KIRREL3: variants seen among roughly 807,000 people sequenced by gnomAD.
KIRREL3 encodes the protein kin of IRRE-like protein 3.
KIRREL3 carries 36 observed loss-of-function variants against 89.7 expected under a neutral mutation model. The ratio of observed to expected loss-of-function variants is 0.40; its 90% confidence interval spans 0.31 to 0.53. The LOEUF is 0.53. Among genes scored for constraint, KIRREL3 ranks in the 20% least tolerant of loss-of-function variants. The pLI, the probability that KIRREL3 is intolerant of heterozygous loss-of-function variation, is 0.49. For synonymous variants in KIRREL3, 445 were observed against 441.4 expected (o/e 1.01, Z -0.10); for missense variants, 864 against 1,056.6 (o/e 0.82, Z 2.53).
chr11:126,927,766 C>T (rs914331196), intron 1 of KIRREL3, among the ~76,000 whole-genome samples: 1 of 152,200 alleles, frequency 6.6e-6, no homozygotes, highest in Admixed American at 6.5e-5. Context: ...CCGGGGCTTT[C>T]CCACATTCTC....
At chr11:126,998,232 A>G (rs572269050) in intron 1 of KIRREL3, among the ~76,000 whole-genome samples, 63 of 152,382 alleles carry the variant, frequency 4.1e-4, no homozygotes, top group African/African-American at 1.4e-3. Flanking sequence ...ATCCACATAA[A>G]CAAATTTCCA....
chr11:126,489,044 G>A lies in KIRREL3; in HGVS notation c.434-15578C>T, dbSNP rs1368704193. ...CACGATGTTCAGTGTTTGCTCAAAT[G>A]TGCCCTCTGACCTCCACTAGACTGC... On this transcript the variant is annotated intron_variant, in intron 4 of 16. Transcript: ENST00000525144. The surrounding 1 kb of genome is among the most constrained non-coding windows in gnomAD (Gnocchi z 5.5). 2.0e-5 allele frequency among the ~76,000 whole-genome samples: 3 copies of A among 152,160 alleles called. No homozygotes were observed. The highest frequency in any genetic ancestry group is 2.0e-4 in the Admixed American group (3 of 15,276).
chr11:126,853,031 A>G (rs1397268879), intron 1 of KIRREL3, among the ~76,000 whole-genome samples: 1 of 152,148 alleles, frequency 6.6e-6, no homozygotes, highest in African/African-American at 2.4e-5. Context: ...CAGGAACTTC[A>G]TGTAACTTAA....
chr11:126,483,544 G>A (rs1414519497), intron 4 of KIRREL3, among the ~76,000 whole-genome samples: 1 of 152,220 alleles, frequency 6.6e-6, no homozygotes, highest in African/African-American at 2.4e-5. Context: ...ACTTCCCTCC[G>A]ATCCATTCTC....
intron 1 of KIRREL3, among the ~76,000 whole-genome samples, chr11:126,963,690 CA>C (rs1263256185): frequency 1.3e-5 from 2 of 152,162 alleles, no homozygotes; most frequent in African/African-American, 4.8e-5. Context: ...CCTTATACCC[CA>C]AAAGGCCTCC....
At chr11:126,758,936 G>A (rs559557521) in intron 1 of KIRREL3, among the ~76,000 whole-genome samples, 1 of 152,254 alleles carries the variant, frequency 6.6e-6, no homozygotes, top group South Asian at 2.1e-4. Context: ...GGAAACAGGA[G>A]CTACCCAAGA....
At chr11:126,929,991 G>A (rs1415632792) in intron 1 of KIRREL3, among the ~76,000 whole-genome samples, 1 of 152,074 alleles carries the variant, frequency 6.6e-6, no homozygotes, top group Non-Finnish European at 1.5e-5. Context: ...ACACTTGAGG[G>A]AGGAGGAAGG....
intron 1 of KIRREL3, among the ~76,000 whole-genome samples, chr11:126,923,789 T>C (rs1015066165): frequency 6.6e-6 from 1 of 152,284 alleles, no homozygotes; most frequent in Non-Finnish European, 1.5e-5. Context: ...TCTGCCCAGA[T>C]CCTTTTTATA....
In KIRREL3 at chr11:126,513,442, C is replaced by G. The variant is rs188678560; in HGVS notation, c.433+7873G>C. ...TCAGGTCTTCTCCTTCTTGGAGAGG[C>G]TCCTGCCTGCCCTTCTCCACACTCA... On this transcript the variant is annotated intron_variant, in intron 4 of 16. Coordinates refer to ENST00000525144, the MANE Select transcript of KIRREL3 (RefSeq NM_032531.4). This position sits in a 1 kb window ranked among gnomAD's most constrained non-coding sequence, Gnocchi z 5.9. Among the ~76,000 whole-genome samples, 18 of 152,264 alleles carry G rather than the reference C, an allele frequency of 1.2e-4. No homozygotes were observed. The highest frequency in any genetic ancestry group is 1.0e-3 in the Admixed American group (16 of 15,302).
At position 126,788,709 on chromosome 11, in the gene KIRREL3, C is replaced by T. The variant is rs951951769; in HGVS notation, c.55+211746G>A. Among the ~76,000 whole-genome samples, 1 of 152,172 alleles carries T rather than the reference C, an allele frequency of 6.6e-6. No individual in the cohort carries two copies. The highest frequency in any genetic ancestry group is 2.4e-5 in the African/African-American group (1 of 41,458). On this transcript the variant is annotated intron_variant, in intron 1 of 16. Transcript: ENST00000525144. This position sits in a 1 kb window ranked among gnomAD's most constrained non-coding sequence, Gnocchi z 4.1. Reference sequence around the variant, plus strand: ...ATAGACCACAAAGGCCCTACAATTGCTATCAAAGGAACTGATTGTTTTGAT... The same window carrying T: ...ATAGACCACAAAGGCCCTACAATTGTTATCAAAGGAACTGATTGTTTTGAT...
chr11:126,846,187 G>A (rs1944135488), intron 1 of KIRREL3, among the ~76,000 whole-genome samples: 1 of 152,132 alleles, frequency 6.6e-6, no homozygotes, highest in Non-Finnish European at 1.5e-5. Flanking sequence ...TTCAGGATCT[G>A]GTGTAAAAAT....
intron 1 of KIRREL3, among the ~76,000 whole-genome samples, chr11:126,745,818 T>A (rs1333986868): frequency 6.6e-6 from 1 of 152,206 alleles, no homozygotes; most frequent in Non-Finnish European, 1.5e-5. Context: ...ACTGCATGGA[T>A]TCCCAAGGAA....
chr11:126,810,334 T>C (rs1285718590), intron 1 of KIRREL3, among the ~76,000 whole-genome samples: 1 of 152,236 alleles, frequency 6.6e-6, no homozygotes, highest in East Asian at 1.9e-4. Flanking sequence ...CTCCCTGTTA[T>C]GTTGTCAAAA....
intron 1 of KIRREL3, among the ~76,000 whole-genome samples, chr11:126,720,966 G>T (rs1316702700): frequency 8.5e-5 from 13 of 152,192 alleles, no homozygotes; most frequent in African/African-American, 3.1e-4. Context: ...ATGTGCTTGA[G>T]AGAGGGGAGA....
rs140825729 is a variant in KIRREL3, at chr11:126,641,680, A to G, written c.56-78768T>C. On this transcript the variant is annotated intron_variant, in intron 1 of 16. Transcript: ENST00000525144. The surrounding 1 kb of genome is among the most constrained non-coding windows in gnomAD (Gnocchi z 5.0). ...CCCTTGCAGCTGACTCCATACCCCTATTACATAACACAAGTCTTTCTCCTT... is the reference window on the plus strand; with the variant it reads ...CCCTTGCAGCTGACTCCATACCCCTGTTACATAACACAAGTCTTTCTCCTT... Among the ~76,000 whole-genome samples, 913 of 152,224 alleles carry G rather than the reference A, an allele frequency of 6.0e-3. 13 individuals carry two copies. Among genetic ancestry groups the G allele is most frequent in the African/African-American group, 0.021 (878 of 41,530 alleles).
intron 4 of KIRREL3, among the ~76,000 whole-genome samples, chr11:126,512,242 G>A (rs929654488): frequency 1.3e-5 from 2 of 152,236 alleles, no homozygotes; most frequent in African/African-American, 2.4e-5. Flanking sequence ...TCCCCTGACC[G>A]GATGTTCTTG....
In KIRREL3 at chr11:126,719,579, A is replaced by G. The variant is rs1008934145; in HGVS notation, c.56-156667T>C. Among the ~76,000 whole-genome samples the G allele has an allele frequency of 2.6e-4, 39 of 152,226 alleles. No individual in the cohort carries two copies. The highest frequency in any genetic ancestry group is 9.1e-4 in the African/African-American group (38 of 41,536). ...TAGGTTTCTAAAATGTAACTCATCC[A>G]CAGCCAACTCCTGCCTTCACCACAC... is the stretch of plus-strand genomic sequence containing the variant. On this transcript the variant is annotated intron_variant, in intron 1 of 16. Transcript: ENST00000525144. This position sits in a 1 kb window ranked among gnomAD's most constrained non-coding sequence, Gnocchi z 4.7.
rs1392687425 is a variant in KIRREL3, at chr11:126,817,220, A to C, written c.55+183235T>G. ...ACCAGAGGAGGCAGAGGGGATAAAC[A>C]GCTCACCCTGTTGAGGATGTTTACT... On this transcript the variant is annotated intron_variant, in intron 1 of 16. Coordinates refer to ENST00000525144, the MANE Select transcript of KIRREL3 (RefSeq NM_032531.4). The surrounding 1 kb of genome is among the most constrained non-coding windows in gnomAD (Gnocchi z 5.7). 6.6e-6 allele frequency among the ~76,000 whole-genome samples: 1 copy of C among 152,232 alleles called. No homozygotes were observed. Among genetic ancestry groups the C allele is most frequent in the Non-Finnish European group, 1.5e-5 (1 of 68,046 alleles).
chr11:126,597,879 T>C (rs550003043), intron 1 of KIRREL3, among the ~76,000 whole-genome samples: 1 of 152,348 alleles, frequency 6.6e-6, no homozygotes, highest in East Asian at 1.9e-4. Flanking sequence ...ACTGTATCAT[T>C]TGGAAGTACA....
Sources: allele counts gnomAD v4.1 joint callset (sites outside exome capture counted in the v4.1 genomes callset), GRCh38; gene constraint gnomAD v4.1.1; non-coding constraint Gnocchi (gnomAD v3.1); transcripts MANE v1.5; gene names NCBI Gene and HGNC (gene_info 2026-07-23, HGNC 2026-07-21).